The following RPGRIP1 variants were observed in gnomAD, a reference collection of about 807,000 sequenced individuals.
RPGRIP1 encodes the protein X-linked retinitis pigmentosa GTPase regulator-interacting protein 1.
In RPGRIP1, 128 loss-of-function variants were observed where a neutral mutation model predicts 157.9. The ratio of observed to expected loss-of-function variants is 0.81; its 90% confidence interval spans 0.70 to 0.94. RPGRIP1 has a LOEUF of 0.94. Ranked by LOEUF, RPGRIP1 falls within the 40% of genes least tolerant of loss-of-function variation. RPGRIP1 has a pLI of 0.00. For missense variants in RPGRIP1, 1,486 were observed against 1,545.8 expected, an observed-to-expected ratio of 0.96 and a Z score of 0.65; for synonymous variants, 554 against 571.6, an observed-to-expected ratio of 0.97 and a Z score of 0.44.
intron 13 of RPGRIP1, 58 bp from the exon 14 acceptor site, chr14:21,321,796 T>C: frequency 6.4e-7 from 1 of 1,553,044 alleles, no homozygotes; most frequent in Non-Finnish European, 8.8e-7. Flanking sequence ...CCACATTTTT[T>C]ATGCTCTTTG....
In RPGRIP1 at chr14:21,327,625, G is replaced by A. The variant is rs1883246225; in HGVS notation, c.2713G>A (p.Asp905Asn). The change falls in exon 18 of 25, where the codon GAT becomes AAT. Residue 905 changes from aspartate (D) to asparagine (N), a missense_variant and splice_region_variant. Transcript: ENST00000400017. The stretch of plus-strand genomic sequence containing the variant: ...ATTAATATCTGTTTGTTTCTCAGGT[G>A]ATTTTAACCTCACTGACCCTGCAGA... ...PLAKNESIKG[D>N]FNLTDPAEKP... 1 of 1,613,648 alleles carries A rather than the reference G, an allele frequency of 6.2e-7. No homozygotes were observed. Among genetic ancestry groups the A allele is most frequent in the African/African-American group, 1.3e-5 (1 of 74,910 alleles).
intron 5 of RPGRIP1, 145 bp downstream of exon 5, chr14:21,302,729 C>T: frequency 4.3e-6 from 2 of 462,076 alleles, no homozygotes; most frequent in South Asian, 5.5e-5. Context: ...CAAATTCCAA[C>T]TTCATTGCTT....
At chr14:21,321,097 A>G (rs1882409963) in intron 12 of RPGRIP1, among the ~76,000 whole-genome samples, 162 bp from the exon 13 acceptor site, 1 of 152,214 alleles carries the variant, frequency 6.6e-6, no homozygotes, top group South Asian at 2.1e-4. Context: ...CATGAGAACT[A>G]GGGGAAAGAG....
chr14:21,288,180 CTTTTTT>C, intron 2 of RPGRIP1, 119 bp downstream of exon 2: 13 of 490,544 alleles, frequency 2.7e-5, no homozygotes, highest in Admixed American at 3.4e-5. Flanking sequence ...AGTCTTCTCA[CTTTTTT>C]TTTTTTTTTT....
intron 1 of RPGRIP1, among the ~76,000 whole-genome samples, chr14:21,285,595 ACTCCAT>A (rs1467857087): frequency 3.7e-5 from 5 of 135,632 alleles, no homozygotes; most frequent in African/African-American, 5.4e-5. Flanking sequence ...ACAGAGTGAG[ACTCCAT>A]CTCCAAAAAA....
At chr14:21,304,420 A>AAAGAAAGAAAGAAAGAAAGGAAGG (rs1555365573) in intron 6 of RPGRIP1, among the ~76,000 whole-genome samples, 1 of 150,818 alleles carries the variant, frequency 6.6e-6, no homozygotes, top group Admixed American at 6.6e-5. Context: ...AGAAAGAAAG[A>AAAGAAAGAAAGAAAGAAAGGAAGG]AAGAAAGAAA....
chr14:21,308,067 C>T (rs1039834030), intron 7 of RPGRIP1, among the ~76,000 whole-genome samples: 1 of 152,166 alleles, frequency 6.6e-6, no homozygotes, highest in African/African-American at 2.4e-5. Flanking sequence ...CAAGCTCTGC[C>T]TGCTAAGGTG....
At chr14:21,322,711 C>T (rs1452108063) in intron 14 of RPGRIP1, among the ~76,000 whole-genome samples, 9 of 152,094 alleles carry the variant, frequency 5.9e-5, no homozygotes, top group East Asian at 1.9e-4. Flanking sequence ...CAGTTTTAGT[C>T]GGATAATAGA....
At chr14:21,328,294 G>A in intron 18 of RPGRIP1, 130 bp from the exon 19 acceptor site, 2 of 668,934 alleles carry the variant, frequency 3.0e-6, no homozygotes, top group Non-Finnish European at 5.1e-6. Context: ...GCGGAAAAGA[G>A]AGAGAAATAG....
At chr14:21,298,923 G>GCCTGTGCTCC (rs1444946307) in intron 3 of RPGRIP1, among the ~76,000 whole-genome samples, 1 of 126,736 alleles carries the variant, frequency 7.9e-6, no homozygotes, top group African/African-American at 3.0e-5. Flanking sequence ...CTGAGCAACA[G>GCCTGTGCTCC]AGTGAGACTC....
chr14:21,285,752 A>G lies in RPGRIP1; in HGVS notation c.-38-2187A>G, dbSNP rs535647698. Among the ~76,000 whole-genome samples the G allele has an allele frequency of 2.2e-4, 34 of 152,030 alleles. 2 individuals carry two copies. The highest frequency in any genetic ancestry group is 8.0e-4 in the African/African-American group (33 of 41,316). Reference sequence around the variant, plus strand: ...CGGATCAGCTGAGGTTGGGCTTTACAGGCCCTGGAAAAAAAGTGTAAATTT... The same window carrying G: ...CGGATCAGCTGAGGTTGGGCTTTACGGGCCCTGGAAAAAAAGTGTAAATTT... On this transcript the variant is annotated intron_variant, in intron 1 of 24. Coordinates refer to ENST00000400017, the MANE Select transcript of RPGRIP1 (RefSeq NM_020366.4).
chr14:21,302,451 T>C (rs751765640), intron 4 of RPGRIP1, 37 bp from the exon 5 acceptor site: 1 of 1,244,040 alleles, frequency 8.0e-7, no homozygotes, highest in Non-Finnish European at 1.1e-6. Flanking sequence ...CGGAGGGTAC[T>C]GTTGCCCGAG....
At position 21,320,166 on chromosome 14, in the gene RPGRIP1, A is replaced by G. The variant is rs752788894; in HGVS notation, c.1456A>G (p.Thr486Ala). Reference sequence around the variant, plus strand: ...TCACCCAGCTGTATTGCAAGAGAACACTCAGATCGAGGTAAGAGCCTCTTT... The same window carrying G: ...TCACCCAGCTGTATTGCAAGAGAACGCTCAGATCGAGGTAAGAGCCTCTTT... Reference protein sequence around the residue: ...ATHPAVLQENTQIEPSEPKNQ... With the variant: ...ATHPAVLQENAQIEPSEPKNQ... Residue 486 changes from threonine (T) to alanine (A), a missense_variant, in exon 12 of 25, where the codon ACT becomes GCT. Transcript: ENST00000400017. The G allele has an allele frequency of 4.3e-6, 7 of 1,613,652 alleles. No individual in the cohort carries two copies. Among genetic ancestry groups the G allele is most frequent in the South Asian group, 1.1e-5 (1 of 91,042 alleles).
At position 21,301,200 on chromosome 14, in the gene RPGRIP1, C is replaced by T. The variant is rs1881013016; in HGVS notation, c.453C>T (p.His151=). 6.3e-7 allele frequency: 1 copy of T among 1,594,320 alleles called. No homozygotes were observed. Among genetic ancestry groups the T allele is most frequent in the East Asian group, 2.3e-5 (1 of 43,822 alleles). ...TCCAAGTGGGACACAGACAGCTCCA[C>T]ACAGCCGGTGCACCGGTGCCGGAGA... The part of the protein sequence containing the change: ...PRVQVGHRQL[H]TAGAPVPEKP... Residue 151 remains histidine (H), a synonymous_variant, in exon 4 of 25, where the codon CAC becomes CAT. Transcript: ENST00000400017.
chr14:21,298,169 G>A (rs1880874552), intron 3 of RPGRIP1, among the ~76,000 whole-genome samples: 1 of 152,038 alleles, frequency 6.6e-6, no homozygotes, highest in Non-Finnish European at 1.5e-5. Flanking sequence ...TGGTTTTGGA[G>A]TGAACTTGTT....
chr14:21,301,312 C>G, intron 4 of RPGRIP1, 75 bp downstream of exon 4: 1 of 1,417,780 alleles, frequency 7.1e-7, no homozygotes, highest in East Asian at 2.5e-5. Context: ...GTTTTCCTCA[C>G]TGCCTTCTTC....
At chr14:21,346,759 G>A (rs1015845174) in intron 23 of RPGRIP1, among the ~76,000 whole-genome samples, 2 of 152,122 alleles carry the variant, frequency 1.3e-5, no homozygotes, top group African/African-American at 2.4e-5. Flanking sequence ...TGGTCTTTCA[G>A]CTCCTGGGCT....
intron 1 of RPGRIP1, among the ~76,000 whole-genome samples, chr14:21,285,846 A>G (rs991987258): frequency 4.6e-5 from 7 of 151,982 alleles, no homozygotes; most frequent in African/African-American, 1.7e-4. Context: ...GGGTTGTTTT[A>G]TACAGGTCAC....
chr14:21,345,526 C>T (rs561368610), intron 23 of RPGRIP1, among the ~76,000 whole-genome samples: 1 of 150,566 alleles, frequency 6.6e-6, no homozygotes, highest in Non-Finnish European at 1.5e-5. Context: ...CCTCTGCCTC[C>T]CAAGTAGCTA....
Sources: gnomAD v4.1 joint callset for allele counts (sites outside exome capture counted in the v4.1 genomes callset) on GRCh38, gnomAD v4.1.1 for gene constraint, MANE v1.5 for transcripts, NCBI Gene and HGNC (gene_info 2026-07-23, HGNC 2026-07-21) for gene names.